KLHL13: variants seen among roughly 807,000 people sequenced by gnomAD.
The protein encoded by KLHL13 is kelch like family member 13.
Under a neutral mutation model 37.1 loss-of-function variants are expected in KLHL13, and 10 were observed. That is an observed-to-expected ratio of 0.27 (90% CI 0.17 to 0.46). KLHL13 has a LOEUF of 0.46. KLHL13 is among the 20% of genes least tolerant of loss of function. The pLI, the probability that KLHL13 is intolerant of heterozygous loss-of-function variation, is 1.00. For missense variants in KLHL13, 360 were observed against 509.3 expected, an observed-to-expected ratio of 0.71 and a Z score of 2.82; for synonymous variants, 163 against 181.2, an observed-to-expected ratio of 0.90 and a Z score of 0.81.
intron 2 of KLHL13, among the ~76,000 whole-genome samples, chrX:117,939,667 G>T (rs1487873191): frequency 3.6e-5 from 4 of 111,353 alleles, no homozygotes; most frequent in African/African-American, 6.6e-5. Context: ...TTGTGGTTTT[G>T]ATTTGCATTT....
chrX:117,978,009 A>G (rs1346284712), upstream of KLHL13, among the ~76,000 whole-genome samples: 3 of 111,933 alleles, frequency 2.7e-5, no homozygotes, highest in African/African-American at 9.8e-5. Context: ...ATTTCTTACT[A>G]GATACTCAGA....
chrX:118,047,644 CAAAT>C (rs2054573641), intron 1 of KLHL13, among the ~76,000 whole-genome samples: 1 of 111,752 alleles, frequency 8.9e-6, no homozygotes, highest in African/African-American at 3.2e-5. Flanking sequence ...AAACAGGAAA[CAAAT>C]AAATGCTATT....
chrX:118,065,870 T>C (rs371854649), intron 1 of KLHL13, among the ~76,000 whole-genome samples: 2 of 112,106 alleles, frequency 1.8e-5, no homozygotes, highest in South Asian at 3.7e-4. Flanking sequence ...GCTATTTTAA[T>C]AGATACTAAA....
At chrX:118,043,474 T>C (rs765997647) in intron 1 of KLHL13, among the ~76,000 whole-genome samples, 2 of 111,675 alleles carry the variant, frequency 1.8e-5, no homozygotes, top group African/African-American at 6.5e-5. Context: ...TGAACATTGA[T>C]GCAAAAATCC....
chrX:118,081,899 A>G (rs749125452), intron 1 of KLHL13, among the ~76,000 whole-genome samples: 20 of 110,059 alleles, frequency 1.8e-4, no homozygotes, highest in Non-Finnish European at 3.6e-4. Context: ...GATACTACAA[A>G]TGACAGGATT....
At chrX:117,900,473 G>C (rs770232271) in intron 6 of KLHL13, among the ~76,000 whole-genome samples, 1 of 111,671 alleles carries the variant, frequency 9.0e-6, no homozygotes, top group Admixed American at 9.5e-5. Context: ...AGGAGTTGGA[G>C]CTCTCATTAT....
intron 1 of KLHL13, among the ~76,000 whole-genome samples, chrX:118,094,974 T>C (rs1323095918): frequency 9.0e-6 from 1 of 111,489 alleles, no homozygotes; most frequent in African/African-American, 3.3e-5. Context: ...AGGAAGAAAC[T>C]GCATCTACTA....
intron 1 of KLHL13, among the ~76,000 whole-genome samples, chrX:118,056,945 A>G (rs1484077153): frequency 8.9e-6 from 1 of 112,079 alleles, no homozygotes; most frequent in Non-Finnish European, 1.9e-5. Flanking sequence ...ACTTAAATCT[A>G]TCTATCTCAG....
chrX:118,069,916 A>G (rs1237787225), intron 1 of KLHL13, among the ~76,000 whole-genome samples: 1 of 112,403 alleles, frequency 8.9e-6, no homozygotes, highest in African/African-American at 3.2e-5. Flanking sequence ...TGCAAGCTCC[A>G]TTCATGATAA....
intron 1 of KLHL13, among the ~76,000 whole-genome samples, chrX:117,968,574 A>G (rs2147889557): frequency 8.9e-6 from 1 of 111,977 alleles, no homozygotes; most frequent in African/African-American, 3.2e-5. Flanking sequence ...TAAATTGTGC[A>G]TAAGTAATAA....
intron 1 of KLHL13, among the ~76,000 whole-genome samples, chrX:118,064,755 T>C (rs1381904045): frequency 8.9e-6 from 1 of 111,937 alleles, no homozygotes; most frequent in Non-Finnish European, 1.9e-5. Context: ...AGACTTGAGC[T>C]TAAATGCTAG....
At chrX:117,993,013 T>C (rs1009658593) in intron 1 of KLHL13, among the ~76,000 whole-genome samples, 3 of 111,994 alleles carry the variant, frequency 2.7e-5, no homozygotes, top group African/African-American at 9.7e-5. Flanking sequence ...GAACATCAGT[T>C]ACAGTCACAG....
rs1374290588 is a variant in KLHL13 at position 118,040,082 on chromosome X, C to T, written c.-56+76426G>A. Reference sequence around the variant, plus strand: ...AAAATATAGCCACAGTGACCAAAGACTTAGATCACAACACCCATGTCCCTT... The same window carrying T: ...AAAATATAGCCACAGTGACCAAAGATTTAGATCACAACACCCATGTCCCTT... On this transcript the variant is annotated intron_variant, in intron 1 of 6. Transcript: ENST00000371882. 3.6e-5 allele frequency among the ~76,000 whole-genome samples: 4 copies of T among 111,602 alleles called. No individual in the cohort carries two copies. In the South Asian group the frequency reaches 1.1e-3, roughly 32 times the overall value.
Position 117,959,945 on chromosome X carries a change from T to C in KLHL13, c.98+12786A>G, listed in dbSNP as rs188642011. Among the ~76,000 whole-genome samples, 36 of 111,848 alleles carry C rather than the reference T, an allele frequency of 3.2e-4. No homozygotes were observed. The East Asian group carries it at 9.3e-3, about 29-fold the overall frequency. On this transcript the variant is annotated intron_variant, in intron 1 of 6. Transcript: ENST00000262820. The stretch of plus-strand genomic sequence containing the variant: ...TGCAGTTAGGTACAGAGGGATCGCA[T>C]AAGCACAAATTAAGCCCAATTGCCC...
At chrX:117,955,409 T>C (rs1173564675) in intron 1 of KLHL13, among the ~76,000 whole-genome samples, 1 of 111,837 alleles carries the variant, frequency 8.9e-6, no homozygotes, top group Non-Finnish European at 1.9e-5. Flanking sequence ...GAAATATAGT[T>C]GGCAGCCCTA....
At chrX:117,928,942 C>T (rs769496926) in intron 2 of KLHL13, among the ~76,000 whole-genome samples, 10 of 111,405 alleles carry the variant, frequency 9.0e-5, no homozygotes, top group Non-Finnish European at 1.5e-4. Context: ...TCTAACAAGA[C>T]GGATTAGGTG....
chrX:117,941,099 T>C (rs1486532080), intron 2 of KLHL13, among the ~76,000 whole-genome samples: 1 of 111,709 alleles, frequency 9.0e-6, no homozygotes, highest in African/African-American at 3.3e-5. Context: ...ATAACACTTA[T>C]TATTTTGAGA....
intron 1 of KLHL13, among the ~76,000 whole-genome samples, chrX:118,069,138 C>T (rs6646063): frequency 2.7e-4 from 30 of 109,557 alleles, no homozygotes; most frequent in African/African-American, 1.0e-3. Flanking sequence ...CACACACACA[C>T]ACACACACAC....
chrX:118,047,898 C>A (rs1323272762), intron 1 of KLHL13, among the ~76,000 whole-genome samples: 1 of 111,143 alleles, frequency 9.0e-6, no homozygotes, highest in Non-Finnish European at 1.9e-5. Flanking sequence ...GTGTGGTAAC[C>A]CAGAAGACAA....
Sources: allele counts gnomAD v4.1 joint callset (sites outside exome capture counted in the v4.1 genomes callset), GRCh38; gene constraint gnomAD v4.1.1; transcripts MANE v1.5; gene names NCBI Gene and HGNC (gene_info 2026-07-23, HGNC 2026-07-21).